Variants in UBE2R2 observed in about 807,000 individuals in gnomAD.
UBE2R2 encodes the protein ubiquitin conjugating enzyme E2 R2, also known as ubiquitin-conjugating enzyme E2 R2.
In UBE2R2, 1 loss-of-function variant was observed where a neutral mutation model predicts 27.8. The observed-to-expected ratio is 0.04, with a 90% CI of 0.01 to 0.17. UBE2R2 has a LOEUF of 0.17. Among genes scored for constraint, UBE2R2 ranks in the 10% least tolerant of loss-of-function variants. The pLI is 1.00. For synonymous variants in UBE2R2, 106 were observed against 113.3 expected (o/e 0.94, Z 0.41); for missense variants, 100 against 291.0 (o/e 0.34, Z 4.78).
At chr9:33,841,339 C>T (rs1028257840) in intron 1 of UBE2R2, among the ~76,000 whole-genome samples, 2 of 152,160 alleles carry the variant, frequency 1.3e-5, no homozygotes, top group Admixed American at 1.3e-4. Flanking sequence ...CTCGGCCTCC[C>T]AAAGTGCTGG....
chr9:33,872,219 T>C (rs920692853), intron 1 of UBE2R2, among the ~76,000 whole-genome samples: 2 of 150,394 alleles, frequency 1.3e-5, no homozygotes, highest in Non-Finnish European at 3.0e-5. Context: ...CATGGGGAAC[T>C]ATCTCTACCA....
intron 1 of UBE2R2, among the ~76,000 whole-genome samples, chr9:33,838,720 G>C (rs1163947819): frequency 2.6e-5 from 4 of 152,000 alleles, no homozygotes; most frequent in Admixed American, 6.6e-5. Flanking sequence ...CCTCCTTCTT[G>C]TCCTTTGCCC....
intron 1 of UBE2R2, among the ~76,000 whole-genome samples, chr9:33,843,485 G>GTT (rs113355674): frequency 4.1e-5 from 6 of 145,236 alleles, no homozygotes; most frequent in East Asian, 2.0e-4. Flanking sequence ...TAACTTTTTT[G>GTT]TTTTTTTTTT....
chr9:33,829,631 G>T (rs1171999551), intron 1 of UBE2R2, among the ~76,000 whole-genome samples: 1 of 152,078 alleles, frequency 6.6e-6, no homozygotes, highest in Non-Finnish European at 1.5e-5. Flanking sequence ...TACAATATTG[G>T]TTTATGCTTT....
chr9:33,827,112 A>G (rs1820331465), intron 1 of UBE2R2, among the ~76,000 whole-genome samples: 1 of 152,160 alleles, frequency 6.6e-6, no homozygotes, highest in Non-Finnish European at 1.5e-5. Flanking sequence ...AAAAAAATAA[A>G]AAGGTTTTGG....
intron 2 of UBE2R2, among the ~76,000 whole-genome samples, chr9:33,889,611 T>TA (rs1821935795): frequency 6.6e-6 from 1 of 152,210 alleles, no homozygotes; most frequent in African/African-American, 2.4e-5. Flanking sequence ...CCTTTACAGT[T>TA]ACGTGGTGTA....
chr9:33,840,826 A>C (rs532919108), intron 1 of UBE2R2, among the ~76,000 whole-genome samples: 21 of 152,306 alleles, frequency 1.4e-4, no homozygotes, highest in African/African-American at 4.8e-4. Context: ...TAGGAAAGGT[A>C]GGATATATAC....
chr9:33,853,552 TGAGATTA>T (rs1821020710), intron 1 of UBE2R2, among the ~76,000 whole-genome samples: 1 of 152,064 alleles, frequency 6.6e-6, no homozygotes, highest in African/African-American at 2.4e-5. Context: ...CCCAAAGTGC[TGAGATTA>T]CAGGTGTGAG....
chr9:33,831,373 A>C (rs1230311821), intron 1 of UBE2R2, among the ~76,000 whole-genome samples: 1 of 152,110 alleles, frequency 6.6e-6, no homozygotes, highest in Admixed American at 6.6e-5. Context: ...AAAACAAAAG[A>C]GTTTTGTTAT....
At chr9:33,877,799 C>CTCTGTCTGTCTGTCTGTCTGTCTG (rs546643488) in intron 1 of UBE2R2, among the ~76,000 whole-genome samples, 14 of 145,144 alleles carry the variant, frequency 9.6e-5, no homozygotes, top group African/African-American at 2.9e-4. Context: ...TTTTGCCCCT[C>CTCTGTCTGTCTGTCTGTCTGTCTG]TCTGTCTGTC....
intron 1 of UBE2R2, among the ~76,000 whole-genome samples, chr9:33,859,799 TGAGA>T (rs376101396): frequency 6.2e-4 from 54 of 86,582 alleles, no homozygotes; most frequent in East Asian, 3.4e-3. Flanking sequence ...TGTGTGTGTG[TGAGA>T]GAGAGAGAGA....
chr9:33,856,324 A>G (rs1396428431), intron 1 of UBE2R2, among the ~76,000 whole-genome samples: 9 of 152,216 alleles, frequency 5.9e-5, no homozygotes. Context: ...TTAAAAAACT[A>G]TTAATACTAG....
chr9:33,846,416 G>T (rs1206160633), intron 1 of UBE2R2, among the ~76,000 whole-genome samples: 2 of 152,036 alleles, frequency 1.3e-5, no homozygotes, highest in East Asian at 3.8e-4. Context: ...TAGTTACATT[G>T]TCATTGCATA....
intron 3 of UBE2R2, among the ~76,000 whole-genome samples, chr9:33,906,853 A>G (rs1194394012): frequency 6.6e-6 from 1 of 152,304 alleles, no homozygotes; most frequent in African/African-American, 2.4e-5. Context: ...CCTGGGCAAC[A>G]TGACGAGATT....
chr9:33,908,473 AAGAAAGATTCTGCTCTTC>A (rs1374374506), intron 3 of UBE2R2, among the ~76,000 whole-genome samples: 1 of 151,748 alleles, frequency 6.6e-6, no homozygotes, highest in African/African-American at 2.4e-5. Flanking sequence ...AAAAAAGAAA[AAGAAAGATTCTGCTCTTC>A]AGACAGAAAA....
At chr9:33,882,118 G>A (rs1392927107) in intron 1 of UBE2R2, among the ~76,000 whole-genome samples, 1 of 152,112 alleles carries the variant, frequency 6.6e-6, no homozygotes, top group Non-Finnish European at 1.5e-5. Context: ...AGCTCTTGCA[G>A]TTTGGCTCCT....
chr9:33,892,902 C>A (rs940558608), intron 2 of UBE2R2, among the ~76,000 whole-genome samples: 16 of 150,472 alleles, frequency 1.1e-4, no homozygotes, highest in African/African-American at 3.9e-4. Context: ...AGTCCAATAA[C>A]TTCCTTATTA....
intron 1 of UBE2R2, among the ~76,000 whole-genome samples, chr9:33,828,686 C>T (rs377765144): frequency 1.6e-4 from 24 of 151,988 alleles, no homozygotes; most frequent in Admixed American, 4.6e-4. Flanking sequence ...CTCAGCCTCC[C>T]GAGTAGCTGG....
chr9:33,838,069 C>G (rs1336743368), intron 1 of UBE2R2, among the ~76,000 whole-genome samples: 1 of 151,970 alleles, frequency 6.6e-6, no homozygotes, highest in East Asian at 1.9e-4. Context: ...CCCACTGATA[C>G]CAAAATCTTG....
Sources: allele counts gnomAD v4.1 joint callset (sites outside exome capture counted in the v4.1 genomes callset), GRCh38; gene constraint gnomAD v4.1.1; transcripts MANE v1.5; gene names NCBI Gene and HGNC (gene_info 2026-07-23, HGNC 2026-07-21).